FGFR1: variants seen among roughly 807,000 people sequenced by gnomAD.
FGFR1 encodes FGFR1/PLAG1 fusion.
In FGFR1, 18 loss-of-function variants were observed where a neutral mutation model predicts 93.7. The ratio of observed to expected loss-of-function variants is 0.19; its 90% CI spans 0.13 to 0.28. The LOEUF (loss-of-function observed/expected upper bound fraction) is 0.28. Among genes scored for constraint, FGFR1 ranks in the 10% least tolerant of loss-of-function variants. The probability of loss-of-function intolerance (pLI) is 1.00; values close to 1 mark genes in which losing one functional copy is unlikely to be tolerated. For missense variants in FGFR1, 731 were observed against 1,080.4 expected, an observed-to-expected ratio of 0.68 and a Z score of 4.53; for synonymous variants, 448 against 429.3, an observed-to-expected ratio of 1.04 and a Z score of -0.54.
intron 1 of FGFR1, among the ~76,000 whole-genome samples, chr8:38,458,476 G>GA: frequency 6.6e-6 from 1 of 152,056 alleles, no homozygotes; most frequent in Non-Finnish European, 1.5e-5. Context: ...AGGAGGCGGA[G>GA]GTTGCAGTGA....
chr8:38,439,341 C>T (rs1826553200), intron 2 of FGFR1, among the ~76,000 whole-genome samples: 1 of 152,142 alleles, frequency 6.6e-6, no homozygotes, highest in Admixed American at 6.5e-5. Context: ...CAGCACCCTG[C>T]CTCTCCTGTC....
At chr8:38,442,401 G>T (rs1285076116) in intron 2 of FGFR1, among the ~76,000 whole-genome samples, 1 of 151,654 alleles carries the variant, frequency 6.6e-6, no homozygotes, top group Admixed American at 6.6e-5. Context: ...GTGTGCAGGG[G>T]TCCCACTGCT....
intron 2 of FGFR1, among the ~76,000 whole-genome samples, chr8:38,456,163 C>T (rs1454677242): frequency 2.6e-5 from 4 of 152,184 alleles, no homozygotes; most frequent in African/African-American, 4.8e-5. Context: ...TGCACACAGC[C>T]ACCCCATCAC....
intron 2 of FGFR1, among the ~76,000 whole-genome samples, chr8:38,439,484 C>T (rs1167990205): frequency 6.6e-6 from 1 of 152,142 alleles, no homozygotes; most frequent in Non-Finnish European, 1.5e-5. Context: ...AGCTGGTCCG[C>T]CCTCCCCCTT....
chr8:38,429,649 AG>A lies in FGFR1; in HGVS notation c.358+32del. The stretch of plus-strand genomic sequence containing the variant: ...AGAGAGGGCTGGAGGGGGTGGGTCT[AG>A]GGAGGGGCAAGGGCAGGGCTTGGCT... On this transcript the variant is annotated intron_variant, in intron 3 of 17. Transcript: ENST00000447712. The surrounding 1 kb of genome is among the most constrained non-coding windows in gnomAD (Gnocchi z 4.4). 1 of 1,540,614 alleles carries A rather than the reference AG, an allele frequency of 6.5e-7. No individual in the cohort carries two copies. The highest frequency in any genetic ancestry group is 1.4e-5 in the African/African-American group (1 of 71,918).
chr8:38,459,340 A>C (rs1458801538), intron 1 of FGFR1, among the ~76,000 whole-genome samples: 1 of 152,196 alleles, frequency 6.6e-6, no homozygotes, highest in African/African-American at 2.4e-5. Context: ...GCTGGCTGGC[A>C]GAAAAGCCCC....
chr8:38,421,412 G>A (rs1263259442), intron 8 of FGFR1, among the ~76,000 whole-genome samples: 1 of 152,224 alleles, frequency 6.6e-6, no homozygotes, highest in Non-Finnish European at 1.5e-5. Flanking sequence ...AGGGAGAAGA[G>A]GTGTAGGGCC....
chr8:38,446,015 C>A (rs1251178206), intron 2 of FGFR1, among the ~76,000 whole-genome samples: 1 of 151,984 alleles, frequency 6.6e-6, no homozygotes, highest in Non-Finnish European at 1.5e-5. Context: ...GAGAAGGACA[C>A]TTCTGAAGGG....
At chr8:38,420,926 G>C (rs937748771) in intron 8 of FGFR1, among the ~76,000 whole-genome samples, 1 of 152,132 alleles carries the variant, frequency 6.6e-6, no homozygotes, top group African/African-American at 2.4e-5. Context: ...GGGAGCACAT[G>C]GGGAGCACGG....
Position 38,440,272 on chromosome 8 carries a change from G to GT in FGFR1, c.92-10325dup, listed in dbSNP as rs1563558502. 2.5e-6 allele frequency: 4 copies of GT among 1,580,524 alleles called. No individual in the cohort carries two copies. In the South Asian group the frequency reaches 4.6e-5, roughly 18 times the overall value. ...CCCTCTGCAGAGGTTTTTTTATTACGTATTTTGGCTTTGAAATGGAACTGA... is the reference window on the plus strand; with the variant it reads ...CCCTCTGCAGAGGTTTTTTTATTACGTTATTTTGGCTTTGAAATGGAACTGA... On this transcript the variant is annotated intron_variant, in intron 2 of 17. Transcript: ENST00000447712.
chr8:38,464,999 A>G (rs1835192419), intron 1 of FGFR1, among the ~76,000 whole-genome samples: 1 of 152,176 alleles, frequency 6.6e-6, no homozygotes, highest in African/African-American at 2.4e-5. Context: ...AGCAAAACCC[A>G]TGGATTTTCC....
intron 2 of FGFR1, among the ~76,000 whole-genome samples, chr8:38,452,192 GACACACAGACACACACACACAC>G (rs1480194803): frequency 6.6e-5 from 6 of 91,482 alleles, no homozygotes; most frequent in African/African-American, 2.5e-4. Flanking sequence ...CAGACACACA[GACACACAGACACACACACACAC>G]ACACACACAC....
intron 2 of FGFR1, among the ~76,000 whole-genome samples, chr8:38,451,246 G>A (rs1830971041): frequency 6.6e-6 from 1 of 152,098 alleles, no homozygotes; most frequent in Admixed American, 6.5e-5. Context: ...TGCTGGAGAT[G>A]GGGTGGGAGT....
At chr8:38,444,007 C>T (rs530503493) in intron 2 of FGFR1, among the ~76,000 whole-genome samples, 2 of 136,454 alleles carry the variant, frequency 1.5e-5, no homozygotes, top group African/African-American at 5.6e-5. Flanking sequence ...GAGCTGAGAT[C>T]GCACCATTGC....
At chr8:38,454,710 C>T (rs1020060758) in intron 2 of FGFR1, among the ~76,000 whole-genome samples, 1 of 152,292 alleles carries the variant, frequency 6.6e-6, no homozygotes, top group Non-Finnish European at 1.5e-5. Context: ...ATCTGGATTA[C>T]CCCACTTAAC....
In FGFR1 at chr8:38,464,312, C is replaced by CAAAAAAAAAAAAAA. The variant is rs56133772; in HGVS notation, c.-89+3655_-89+3668dup. Among the ~76,000 whole-genome samples, 2 of 82,396 alleles carry CAAAAAAAAAAAAAA rather than the reference C, an allele frequency of 2.4e-5. 1 individual carries two copies. Among genetic ancestry groups the CAAAAAAAAAAAAAA allele is most frequent in the African/African-American group, 9.3e-5 (2 of 21,530 alleles). The allele number at this position is 82,396 out of a possible 152,430, so 54.1% of individuals were successfully genotyped here. On this transcript the variant is annotated intron_variant, in intron 1 of 17. Coordinates refer to ENST00000447712, the MANE Select transcript of FGFR1 (RefSeq NM_023110.3). ...CCTGGGCGACAGAGCGAGACTATCT[C>CAAAAAAAAAAAAAA]AAAAAAAAAAAAAAAAAAAAAAAGC...
At chr8:38,463,366 C>T (rs1044527458) in intron 1 of FGFR1, 3 of 191,028 alleles carry the variant, frequency 1.6e-5, no homozygotes, top group African/African-American at 7.0e-5. Flanking sequence ...CTTTCTTGGG[C>T]CTTCTAGCTG....
At chr8:38,417,448 G>T (rs2150632855) in intron 11 of FGFR1, 32 bp from the exon 12 acceptor site, 1 of 1,582,566 alleles carries the variant, frequency 6.3e-7, no homozygotes, top group South Asian at 1.1e-5. Context: ...TCATTTACTT[G>T]GGAAGGGAGG....
intron 2 of FGFR1, among the ~76,000 whole-genome samples, chr8:38,450,701 C>T (rs1211776217): frequency 6.6e-6 from 1 of 152,144 alleles, no homozygotes; most frequent in Non-Finnish European, 1.5e-5. Flanking sequence ...GTTTGGGATC[C>T]CTCCCTTCCC....
Sources: allele counts gnomAD v4.1 joint callset (sites outside exome capture counted in the v4.1 genomes callset), GRCh38; gene constraint gnomAD v4.1.1; non-coding constraint Gnocchi (gnomAD v3.1); transcripts MANE v1.5; gene names NCBI Gene and HGNC (gene_info 2026-07-23, HGNC 2026-07-21).